RPS6KC1: variants seen among roughly 807,000 people sequenced by gnomAD.
RPS6KC1 encodes inactive ribosomal protein S6 kinase delta-1.
RPS6KC1 carries 54 observed loss-of-function variants against 103.8 expected under a neutral mutation model. The ratio of observed to expected loss-of-function variants is 0.52; its 90% CI spans 0.42 to 0.65. The LOEUF (loss-of-function observed/expected upper bound fraction) is 0.65, where lower values mean the gene tolerates loss of function less well. Ranked by LOEUF, RPS6KC1 falls within the 30% of genes least tolerant of loss-of-function variation. RPS6KC1 has a pLI of 0.00. For synonymous variants in RPS6KC1, 439 were observed against 438.7 expected (o/e 1.00, Z -0.01); for missense variants, 1,151 against 1,253.8 (o/e 0.92, Z 1.24).
chr1:213,677,169 C>T, the RPS6KC1 span, among the ~76,000 whole-genome samples: 2 of 152,188 alleles, frequency 1.3e-5, no homozygotes, highest in Non-Finnish European at 2.9e-5. Flanking sequence ...TCTCTCTTGC[C>T]TTCTCCATCC....
intron 8 of RPS6KC1, among the ~76,000 whole-genome samples, chr1:213,178,089 G>A (rs1457054209): frequency 1.3e-5 from 2 of 151,518 alleles, no homozygotes; most frequent in Admixed American, 1.3e-4. Flanking sequence ...GGAGGCTGAG[G>A]GGAAAGGATC....
rs933812439 is a variant in RPS6KC1, at chr1:213,224,486, G to A, written c.1045-6011G>A. Among the ~76,000 whole-genome samples, 6 of 152,298 alleles carry A rather than the reference G, an allele frequency of 3.9e-5. No homozygotes were observed. The East Asian group carries it at 1.2e-3, about 29-fold the overall frequency. On this transcript the variant is annotated intron_variant, in intron 8 of 14. Transcript: ENST00000366960. ...GGGCTGATAAGTAAGTGTGAAAAAT[G>A]AAAGGGAGAAATACATTAATTGTAT...
the RPS6KC1 span, among the ~76,000 whole-genome samples, chr1:213,365,377 C>T: frequency 6.6e-6 from 1 of 152,226 alleles, no homozygotes; most frequent in African/African-American, 2.4e-5. Flanking sequence ...CTGTTATCAG[C>T]CTGGGCTCAG....
the RPS6KC1 span, chr1:213,820,237 GC>G: frequency 3.3e-5 from 5 of 152,292 alleles, no homozygotes; most frequent in African/African-American, 1.2e-4. Flanking sequence ...ACCCCAGGCT[GC>G]CTCTATAGGT....
At chr1:213,493,054 C>T in the RPS6KC1 span, among the ~76,000 whole-genome samples, 1 of 152,122 alleles carries the variant, frequency 6.6e-6, no homozygotes, top group Non-Finnish European at 1.5e-5. Context: ...GTCTAAAATG[C>T]AAGAGGAGAC....
At chr1:213,234,998 T>C (rs1268341935) in intron 10 of RPS6KC1, among the ~76,000 whole-genome samples, 1 of 152,230 alleles carries the variant, frequency 6.6e-6, no homozygotes, top group African/African-American at 2.4e-5. Context: ...AACTGGATGA[T>C]GAACAGTGTG....
rs116784598 is a variant in RPS6KC1 at position 213,082,064 on chromosome 1, G to T, written c.262+4248G>T. 3.1e-3 allele frequency among the ~76,000 whole-genome samples: 479 copies of T among 152,258 alleles called. 4 individuals are homozygous for T. The highest frequency in any genetic ancestry group is 0.011 in the African/African-American group (457 of 41,548). ...TTTGTAACAAAACTGAAAATGTGGA[G>T]TGGTTTTGAAATGAGCTATGGGCTT... On this transcript the variant is annotated intron_variant, in intron 3 of 14. Coordinates refer to ENST00000366960, the MANE Select transcript of RPS6KC1 (RefSeq NM_012424.6).
At chr1:213,646,033 T>A in the RPS6KC1 span, among the ~76,000 whole-genome samples, 972 of 152,356 alleles carry the variant, frequency 6.4e-3, 15 homozygotes, top group African/African-American at 0.022. Flanking sequence ...TGAAGTTTTT[T>A]AAAAATCACT....
At chr1:213,582,405 T>G in the RPS6KC1 span, among the ~76,000 whole-genome samples, 1 of 152,108 alleles carries the variant, frequency 6.6e-6, no homozygotes, top group Non-Finnish European at 1.5e-5. Flanking sequence ...GGCCTCTGAC[T>G]ACTATTTGTC....
chr1:213,422,483 C>A, the RPS6KC1 span, among the ~76,000 whole-genome samples: 1 of 152,160 alleles, frequency 6.6e-6, no homozygotes, highest in Non-Finnish European at 1.5e-5. Context: ...CTGTTTGAGT[C>A]CCTGCTTTCA....
At chr1:213,101,404 G>A (rs1411313763) in intron 3 of RPS6KC1, among the ~76,000 whole-genome samples, 2 of 152,052 alleles carry the variant, frequency 1.3e-5, no homozygotes, top group African/African-American at 2.4e-5. Flanking sequence ...TTTTGGTTGT[G>A]CACTACTCTG....
the RPS6KC1 span, among the ~76,000 whole-genome samples, chr1:213,559,781 C>T: frequency 6.6e-6 from 1 of 152,116 alleles, no homozygotes; most frequent in East Asian, 1.9e-4. Flanking sequence ...AAAAAGTAAA[C>T]ATAATCAGGT....
chr1:213,218,182 G>C (rs2093721207), intron 8 of RPS6KC1, among the ~76,000 whole-genome samples: 1 of 152,040 alleles, frequency 6.6e-6, no homozygotes, highest in Admixed American at 6.5e-5. Flanking sequence ...AAAGTCTCAG[G>C]ATACAAAATC....
chr1:213,402,913 G>C, the RPS6KC1 span, among the ~76,000 whole-genome samples: 2 of 140,048 alleles, frequency 1.4e-5, no homozygotes, highest in Non-Finnish European at 3.0e-5. Flanking sequence ...AGGAGACAGA[G>C]ACCATCCTGG....
the RPS6KC1 span, among the ~76,000 whole-genome samples, chr1:213,590,085 C>T: frequency 6.6e-6 from 1 of 151,854 alleles, no homozygotes; most frequent in Non-Finnish European, 1.5e-5. Flanking sequence ...AGACTGTTTG[C>T]CATACATATT....
intron 6 of RPS6KC1, among the ~76,000 whole-genome samples, chr1:213,144,933 G>C (rs926286588): frequency 6.6e-6 from 1 of 151,984 alleles, no homozygotes; most frequent in Non-Finnish European, 1.5e-5. Context: ...AAATTAGCTG[G>C]GCATGGTGGT....
chr1:213,702,087 A>C, the RPS6KC1 span, among the ~76,000 whole-genome samples: 1 of 151,840 alleles, frequency 6.6e-6, no homozygotes, highest in East Asian at 1.9e-4. Flanking sequence ...CTTTTGCTAT[A>C]TCCTGTAAGT....
chr1:213,751,757 T>C, the RPS6KC1 span, among the ~76,000 whole-genome samples: 11 of 152,232 alleles, frequency 7.2e-5, no homozygotes, highest in Admixed American at 5.9e-4. Flanking sequence ...ATGAAGACTT[T>C]ACATATGAAG....
the RPS6KC1 span, among the ~76,000 whole-genome samples, chr1:213,810,361 G>A: frequency 1.9e-4 from 29 of 152,190 alleles, no homozygotes; most frequent in Non-Finnish European, 3.8e-4. Context: ...GGTGGGGAGA[G>A]AAGTGTCAAA....
Sources: gnomAD v4.1 joint callset for allele counts (sites outside exome capture counted in the v4.1 genomes callset) on GRCh38, gnomAD v4.1.1 for gene constraint, MANE v1.5 for transcripts, NCBI Gene and HGNC (gene_info 2026-07-23, HGNC 2026-07-21) for gene names.